Variants in FRMD4B observed in about 807,000 individuals in gnomAD.
FRMD4B encodes the protein FERM domain containing 4B.
FRMD4B carries 74 observed loss-of-function variants against 141.5 expected under a neutral mutation model. The observed-to-expected ratio is 0.52, with a 90% CI of 0.43 to 0.63. The LOEUF (loss-of-function observed/expected upper bound fraction) is 0.63, where lower values mean the gene tolerates loss of function less well. Among genes scored for constraint, FRMD4B ranks in the 30% least tolerant of loss-of-function variants. The pLI is 0.00. For synonymous variants in FRMD4B, 506 were observed against 467.9 expected, an observed-to-expected ratio of 1.08 and a Z score of -1.05; for missense variants, 1,366 against 1,253.4, an observed-to-expected ratio of 1.09 and a Z score of -1.36.
At chr3:69,241,030 T>C (rs1432633571) in intron 7 of FRMD4B, among the ~76,000 whole-genome samples, 1 of 152,194 alleles carries the variant, frequency 6.6e-6, no homozygotes, top group African/African-American at 2.4e-5. Flanking sequence ...ATGATGGGTG[T>C]AACGGCCTGG....
At chr3:69,453,877 A>T (rs1303700993) in intron 1 of FRMD4B, among the ~76,000 whole-genome samples, 1 of 152,160 alleles carries the variant, frequency 6.6e-6, no homozygotes, top group East Asian at 1.9e-4. Context: ...AGAAAAATGG[A>T]TGTGAAAGGA....
At chr3:69,373,191 T>C (rs9985338) in intron 1 of FRMD4B, among the ~76,000 whole-genome samples, 119,299 of 151,890 alleles carry the variant, frequency 0.79, 47,137 homozygotes, top group Middle Eastern at 0.84. Flanking sequence ...AAAGAATAGA[T>C]GTGGCAGTTT....
chr3:69,370,682 T>C (rs1322527953), intron 1 of FRMD4B, among the ~76,000 whole-genome samples: 1 of 152,256 alleles, frequency 6.6e-6, no homozygotes, highest in East Asian at 1.9e-4. Flanking sequence ...AATGCAAACG[T>C]TGCCTTCGGG....
intron 19 of FRMD4B, among the ~76,000 whole-genome samples, chr3:69,185,524 T>C (rs544311131): frequency 3.9e-5 from 6 of 152,192 alleles, no homozygotes; most frequent in African/African-American, 2.4e-5. Context: ...TGAAATCAGA[T>C]CACAAGCTTT....
intron 1 of FRMD4B, among the ~76,000 whole-genome samples, chr3:69,318,026 C>T (rs1575725873): frequency 6.6e-6 from 1 of 152,182 alleles, no homozygotes; most frequent in Non-Finnish European, 1.5e-5. Context: ...GGCTGGAATG[C>T]AGAGGCACAA....
At chr3:69,318,945 G>A (rs998302543) in intron 1 of FRMD4B, among the ~76,000 whole-genome samples, 23 of 152,152 alleles carry the variant, frequency 1.5e-4, no homozygotes, top group African/African-American at 5.6e-4. Flanking sequence ...GACCTGCCAG[G>A]CTCCTGGGAG....
At chr3:69,419,856 G>A (rs1193996767) in intron 2 of FRMD4B, among the ~76,000 whole-genome samples, 1 of 152,158 alleles carries the variant, frequency 6.6e-6, no homozygotes, top group Non-Finnish European at 1.5e-5. Context: ...AATGGGTCAA[G>A]GTGTTTGTTT....
rs2093386612 is a variant in FRMD4B, at chr3:69,241,847, C to A, written c.581+7379G>T. ...TTGCACCACTGCACTCCAGCCTGGG[C>A]AACACAGCGAGGATCCATCTCAAAA... is the stretch of plus-strand genomic sequence containing the variant. On this transcript the variant is annotated intron_variant, in intron 7 of 22. Coordinates refer to ENST00000398540, the MANE Select transcript of FRMD4B (RefSeq NM_015123.3). Among the ~76,000 whole-genome samples the A allele has an allele frequency of 2.0e-5, 3 of 151,854 alleles. No homozygotes were observed. In the South Asian group the frequency reaches 6.2e-4, roughly 32 times the overall value.
At chr3:69,537,055 C>T (rs1701098565) in intron 1 of FRMD4B, among the ~76,000 whole-genome samples, 2 of 152,200 alleles carry the variant, frequency 1.3e-5, no homozygotes, top group African/African-American at 4.8e-5. Context: ...ACCAGGAATT[C>T]TTTATCAGAT....
intron 1 of FRMD4B, among the ~76,000 whole-genome samples, chr3:69,448,514 C>T (rs957425802): frequency 6.6e-6 from 1 of 152,158 alleles, no homozygotes; most frequent in Non-Finnish European, 1.5e-5. Context: ...TGCTCCATAT[C>T]CTCACTGATA....
chr3:69,503,255 A>G (rs1237488079), intron 1 of FRMD4B, among the ~76,000 whole-genome samples: 3 of 152,130 alleles, frequency 2.0e-5, no homozygotes, highest in Non-Finnish European at 2.9e-5. Context: ...TTGCAGCACT[A>G]TTCACAATAG....
chr3:69,289,938 T>A (rs916664122), intron 4 of FRMD4B, among the ~76,000 whole-genome samples: 16 of 152,242 alleles, frequency 1.1e-4, no homozygotes, highest in African/African-American at 3.9e-4. Context: ...TGTCCTTTTT[T>A]TCTTTAAACA....
chr3:69,473,189 G>C lies in FRMD4B; in HGVS notation c.-128-40428C>G, dbSNP rs561074525. ...AAGGATGGCAGAAGACCAATTATTG[G>C]CATCTGCTTTCTTTGGCCTTCTCTC... On this transcript the variant is annotated intron_variant, in intron 1 of 5. Coordinates refer to the FRMD4B transcript ENST00000459638. 5.9e-5 allele frequency among the ~76,000 whole-genome samples: 9 copies of C among 151,978 alleles called. No homozygotes were observed. The South Asian group carries it at 1.7e-3, about 28-fold the overall frequency.
At chr3:69,403,835 C>G (rs1704607865) in intron 2 of FRMD4B, among the ~76,000 whole-genome samples, 1 of 152,178 alleles carries the variant, frequency 6.6e-6, no homozygotes, top group Admixed American at 6.5e-5. Flanking sequence ...AACACACACA[C>G]ACACAGGTCT....
intron 1 of FRMD4B, among the ~76,000 whole-genome samples, chr3:69,331,008 C>T (rs1702350963): frequency 1.3e-5 from 2 of 152,068 alleles, no homozygotes; most frequent in South Asian, 4.1e-4. Context: ...AATCTCAGTT[C>T]CGTTCTGCCT....
chr3:69,432,556 T>A (rs1410378760), intron 2 of FRMD4B: 1 of 150,768 alleles, frequency 6.6e-6, no homozygotes, highest in Non-Finnish European at 1.5e-5. Context: ...TGTACTCACA[T>A]GCAAACACAC....
At chr3:69,248,272 T>C (rs969992997) in intron 7 of FRMD4B, among the ~76,000 whole-genome samples, 14 of 151,516 alleles carry the variant, frequency 9.2e-5, no homozygotes, top group Admixed American at 2.6e-4. Flanking sequence ...AATATATATA[T>C]ATAGAGAGAG....
intron 2 of FRMD4B, among the ~76,000 whole-genome samples, chr3:69,426,694 G>A (rs1705084623): frequency 6.6e-6 from 1 of 152,150 alleles, no homozygotes; most frequent in South Asian, 2.1e-4. Flanking sequence ...AGGACTGAGA[G>A]GAAAGATCAC....
intron 1 of FRMD4B, among the ~76,000 whole-genome samples, chr3:69,356,310 G>A (rs920768530): frequency 1.3e-5 from 2 of 152,088 alleles, no homozygotes; most frequent in Admixed American, 1.3e-4. Flanking sequence ...AGACCCACCC[G>A]TGATGTGGGT....
Sources: allele counts gnomAD v4.1 joint callset (sites outside exome capture counted in the v4.1 genomes callset), GRCh38; gene constraint gnomAD v4.1.1; transcripts MANE v1.5; gene names NCBI Gene and HGNC (gene_info 2026-07-23, HGNC 2026-07-21).